Variants in TMTC2 observed in about 807,000 individuals in gnomAD.
The protein encoded by TMTC2 is protein O-mannosyl-transferase TMTC2.
A neutral mutation model predicts 82.4 loss-of-function variants in TMTC2; 43 were observed. The ratio of observed to expected loss-of-function variants is 0.52; its 90% CI spans 0.41 to 0.67. The LOEUF (loss-of-function observed/expected upper bound fraction) is 0.67. Among genes scored for constraint, TMTC2 ranks in the 30% least tolerant of loss-of-function variants. The probability of loss-of-function intolerance (pLI) is 0.00; values close to 1 mark genes in which losing one functional copy is unlikely to be tolerated. For missense variants in TMTC2, 919 were observed against 1,012.4 expected (o/e 0.91, Z 1.25); for synonymous variants, 408 against 381.9 (o/e 1.07, Z -0.80).
At chr12:82,790,752 G>C (rs1294695711) in intron 1 of TMTC2, among the ~76,000 whole-genome samples, 4 of 151,434 alleles carry the variant, frequency 2.6e-5, no homozygotes, top group African/African-American at 9.7e-5. Flanking sequence ...ACTTGAACCC[G>C]GGAGGCGGAG....
chr12:83,083,882 A>C (rs1487770195), intron 11 of TMTC2, among the ~76,000 whole-genome samples: 1 of 152,230 alleles, frequency 6.6e-6, no homozygotes, highest in East Asian at 1.9e-4. Context: ...GCACATTGAG[A>C]GGCTGTACTT....
intron 1 of TMTC2, among the ~76,000 whole-genome samples, chr12:82,745,550 C>T (rs1282302027): frequency 6.6e-6 from 1 of 152,142 alleles, no homozygotes; most frequent in Non-Finnish European, 1.5e-5. Context: ...AGCTCCTGTT[C>T]AGTAGCTTAA....
At chr12:83,075,862 A>C (rs1883270036) in intron 11 of TMTC2, among the ~76,000 whole-genome samples, 1 of 152,214 alleles carries the variant, frequency 6.6e-6, no homozygotes, top group Non-Finnish European at 1.5e-5. Flanking sequence ...GACAGGTTAC[A>C]AGTCTAGCTT....
At chr12:82,833,463 G>T (rs1292393783) in intron 1 of TMTC2, among the ~76,000 whole-genome samples, 1 of 152,166 alleles carries the variant, frequency 6.6e-6, no homozygotes, top group Non-Finnish European at 1.5e-5. Context: ...ACAAGTCTAT[G>T]CTCTTGAGGT....
At chr12:82,846,846 T>G (rs1261928883) in intron 1 of TMTC2, among the ~76,000 whole-genome samples, 3 of 152,118 alleles carry the variant, frequency 2.0e-5, no homozygotes, top group Admixed American at 6.5e-5. Flanking sequence ...TTTTTGTCCA[T>G]GAAAGTTTTA....
chr12:82,989,700 G>A (rs1338635090), intron 8 of TMTC2, among the ~76,000 whole-genome samples: 1 of 150,382 alleles, frequency 6.6e-6, no homozygotes, highest in Non-Finnish European at 1.5e-5. Context: ...GACTACTTAG[G>A]CTTCCTGTAC....
chr12:83,051,003 C>T lies in TMTC2; in HGVS notation c.2252C>T (p.Ala751Val). 1 of 1,609,864 alleles carries T rather than the reference C, an allele frequency of 6.2e-7. No individual in the cohort carries two copies. The highest frequency in any genetic ancestry group is 8.5e-7 in the Non-Finnish European group (1 of 1,177,722). Residue 751 changes from alanine (A) to valine (V), a missense_variant, in exon 10 of 12, where the codon GCT becomes GTT. Transcript: ENST00000321196. ...DSTEFDVVFN[A>V]AHMLRQASLN... ...ACAGAGTTTGATGTTGTCTTCAATGCTGCCCACATGCTCAGGTTAGTTTTT... is the reference window on the plus strand; with the variant it reads ...ACAGAGTTTGATGTTGTCTTCAATGTTGCCCACATGCTCAGGTTAGTTTTT...
At chr12:83,115,373 C>G (rs1884719786) in intron 11 of TMTC2, among the ~76,000 whole-genome samples, 1 of 152,186 alleles carries the variant, frequency 6.6e-6, no homozygotes, top group Non-Finnish European at 1.5e-5. Context: ...TTAGTAAGGG[C>G]AGCCAGCTCT....
Position 83,108,491 on chromosome 12 carries a change from G to A in TMTC2, c.2332-23719G>A, listed in dbSNP as rs141414956. Among the ~76,000 whole-genome samples, 531 of 152,164 alleles carry A rather than the reference G, an allele frequency of 3.5e-3. 3 individuals carry two copies. Among genetic ancestry groups the A allele is most frequent in the African/African-American group, 0.012 (481 of 41,534 alleles). ...CTAAAAATACAAAAATTAGTTGGGCGTGGTGGCACACGCCTGTAGTCCCGG... is the reference window on the plus strand; with the variant it reads ...CTAAAAATACAAAAATTAGTTGGGCATGGTGGCACACGCCTGTAGTCCCGG... On this transcript the variant is annotated intron_variant, in intron 11 of 11. Transcript: ENST00000321196.
intron 9 of TMTC2, among the ~76,000 whole-genome samples, chr12:83,031,791 A>C (rs1373081217): frequency 6.6e-6 from 1 of 152,192 alleles, no homozygotes; most frequent in Non-Finnish European, 1.5e-5. Context: ...AGAAGAATGG[A>C]AATAATAAAA....
At chr12:82,883,635 G>A (rs375568307) in intron 2 of TMTC2, among the ~76,000 whole-genome samples, 1 of 152,170 alleles carries the variant, frequency 6.6e-6, no homozygotes, top group African/African-American at 2.4e-5. Context: ...TCGCACTAAA[G>A]CCACACAGAG....
At chr12:83,050,696 G>GA (rs561331291) in intron 9 of TMTC2, among the ~76,000 whole-genome samples, 14 of 150,308 alleles carry the variant, frequency 9.3e-5, no homozygotes, top group South Asian at 2.1e-4. Context: ...TTCTTTTTAA[G>GA]AAAAAAAAAT....
intron 11 of TMTC2, among the ~76,000 whole-genome samples, chr12:83,068,579 A>G (rs1229160589): frequency 1.3e-5 from 2 of 152,144 alleles, no homozygotes; most frequent in African/African-American, 2.4e-5. Context: ...ACTTTTAGGC[A>G]TTGATTTTAT....
At chr12:82,971,229 A>G (rs1017114828) in intron 7 of TMTC2, among the ~76,000 whole-genome samples, 14 of 151,646 alleles carry the variant, frequency 9.2e-5, no homozygotes, top group Non-Finnish European at 1.9e-4. Context: ...CTTGAATCCA[A>G]ATGCTTTTTC....
At chr12:83,026,601 A>T (rs181172619) in intron 8 of TMTC2, among the ~76,000 whole-genome samples, 13 of 152,130 alleles carry the variant, frequency 8.5e-5, no homozygotes, top group African/African-American at 3.1e-4. Context: ...AGTATAGTTT[A>T]CTTTTTAAAA....
At chr12:82,844,403 C>A (rs1337247852) in intron 1 of TMTC2, among the ~76,000 whole-genome samples, 2 of 152,154 alleles carry the variant, frequency 1.3e-5, no homozygotes, top group Non-Finnish European at 2.9e-5. Context: ...AATCCCTAGG[C>A]ACAAAGATTA....
chr12:82,797,170 A>G (rs973386386), intron 1 of TMTC2, among the ~76,000 whole-genome samples: 10 of 152,176 alleles, frequency 6.6e-5, no homozygotes, highest in Admixed American at 6.5e-4. Context: ...TTTAAAAAAC[A>G]TAATGGGTGT....
At chr12:83,025,183 C>T (rs1056440548) in intron 8 of TMTC2, among the ~76,000 whole-genome samples, 2 of 134,216 alleles carry the variant, frequency 1.5e-5, no homozygotes, top group African/African-American at 5.8e-5. Flanking sequence ...CAGAGTGAAG[C>T]TCTTGGAACT....
intron 11 of TMTC2, among the ~76,000 whole-genome samples, chr12:83,103,025 G>A (rs887586109): frequency 5.3e-5 from 8 of 152,298 alleles, no homozygotes; most frequent in African/African-American, 1.9e-4. Context: ...GGGCTTTCAA[G>A]AAAGAGATAA....
Sources: allele counts gnomAD v4.1 joint callset (sites outside exome capture counted in the v4.1 genomes callset), GRCh38; gene constraint gnomAD v4.1.1; transcripts MANE v1.5; gene names NCBI Gene and HGNC (gene_info 2026-07-23, HGNC 2026-07-21).